PRDM11: variants seen among roughly 807,000 people sequenced by gnomAD.
The protein encoded by PRDM11 is PR domain-containing protein 11.
PRDM11 carries 20 observed loss-of-function variants against 97.8 expected under a neutral mutation model. The observed-to-expected ratio is 0.20, with a 90% CI of 0.14 to 0.30. The LOEUF is 0.30. Ranked by LOEUF, PRDM11 falls within the 10% of genes least tolerant of loss-of-function variation. PRDM11 has a pLI of 1.00. For synonymous variants in PRDM11, 599 were observed against 637.7 expected, an observed-to-expected ratio of 0.94 and a Z score of 0.91; for missense variants, 1,139 against 1,555.2, an observed-to-expected ratio of 0.73 and a Z score of 4.50.
intron 5 of PRDM11, chr11:45,214,037 T>G: frequency 3.5e-6 from 1 of 284,206 alleles, no homozygotes; most frequent in South Asian, 3.7e-5. Flanking sequence ...CTATGGCTCA[T>G]AGCCAGTGGC....
Position 45,224,505 on chromosome 11 carries a change from A to C in PRDM11, c.1031A>C (p.Gln344Pro). The C allele has an allele frequency of 6.2e-7, 1 of 1,614,216 alleles. No homozygotes were observed. The highest frequency in any genetic ancestry group is 8.5e-7 in the Non-Finnish European group (1 of 1,180,034). ...VPKYQDDAYS[Q>P]CATTMTHGVQ... ...AAATACCAGGATGACGCCTACAGTC[A>C]GTGTGCAACAACAATGACCCATGGT... The change falls in exon 7 of 8, where the codon CAG becomes CCG. Residue 344 changes from glutamine (Q) to proline (P), a missense_variant. Physicochemically the swap from Gln to Pro is moderately conservative, Grantham distance 76. Transcript: ENST00000683152.
chr11:45,212,564 G>A (rs1048801978), intron 5 of PRDM11: 7 of 456,214 alleles, frequency 1.5e-5, no homozygotes, highest in Non-Finnish European at 2.6e-5. Context: ...GGCCAGGCCC[G>A]CCCTGCTCCG....
intron 1 of PRDM11, among the ~76,000 whole-genome samples, chr11:45,134,856 C>T (rs1389024265): frequency 6.6e-6 from 1 of 151,504 alleles, no homozygotes; most frequent in Admixed American, 6.6e-5. Flanking sequence ...TCAAAGATGA[C>T]TTAATAATTA....
intron 1 of PRDM11, among the ~76,000 whole-genome samples, chr11:45,122,208 C>CAA (rs1565237359): frequency 9.9e-6 from 1 of 100,576 alleles, no homozygotes. Flanking sequence ...CACAGACACA[C>CAA]ACACACACAC....
Position 45,226,881 on chromosome 11 carries a change from G to A in PRDM11, c.2256G>A (p.Leu752=), listed in dbSNP as rs1854288295. Residue 752 remains leucine (L), a synonymous_variant, in exon 8 of 8, where the codon CTG becomes CTA. Transcript: ENST00000683152. ...TGTTCATGACCATCCGCAAGACGCT[G>A]CCCTGGCTGCTGTGCCTGCCCTTCA... The part of the protein sequence containing the change: ...ASMFMTIRKT[L]PWLLCLPFMV... 2 of 1,533,952 alleles carry A rather than the reference G, an allele frequency of 1.3e-6. No individual in the cohort carries two copies. The highest frequency in any genetic ancestry group is 4.9e-5 in the East Asian group (2 of 40,906).
chr11:45,157,065 C>T (rs936019545), intron 1 of PRDM11, among the ~76,000 whole-genome samples: 4 of 152,046 alleles, frequency 2.6e-5, no homozygotes, highest in Non-Finnish European at 5.9e-5. Flanking sequence ...GGGGAGCTGT[C>T]GGTGGTTTGT....
At chr11:45,191,259 G>A (rs1157141258) in intron 4 of PRDM11, among the ~76,000 whole-genome samples, 1 of 152,184 alleles carries the variant, frequency 6.6e-6, no homozygotes, top group Non-Finnish European at 1.5e-5. Context: ...CACAAGCAAT[G>A]TTAGGTCTTT....
At chr11:45,144,298 G>A (rs1851462212), upstream of PRDM11, among the ~76,000 whole-genome samples, 1 of 152,154 alleles carries the variant, frequency 6.6e-6, no homozygotes, top group East Asian at 1.9e-4. Flanking sequence ...TGGGTCTCTG[G>A]ATCACACCGC....
chr11:45,181,811 C>T lies in PRDM11; in HGVS notation c.45C>T (p.Ala15=), dbSNP rs373948099. ...MKECLAQTNA[A]VGDMVTVVKT... ...AGTGCTTGGCCCAGACCAATGCAGC[C>T]GTGGGGGATATGGTGACGGTGGTGA... Residue 15 remains alanine, a synonymous_variant, in exon 2 of 8, where the codon GCC becomes GCT. Coordinates refer to ENST00000683152, the MANE Select transcript of PRDM11 (RefSeq NM_001384648.1). 6.2e-6 allele frequency: 10 copies of T among 1,613,542 alleles called. No individual in the cohort carries two copies. The highest frequency in any genetic ancestry group is 8.5e-6 in the Non-Finnish European group (10 of 1,179,932).
intron 1 of PRDM11, among the ~76,000 whole-genome samples, chr11:45,137,198 C>T (rs937779674): frequency 9.5e-5 from 14 of 147,222 alleles, no homozygotes; most frequent in South Asian, 2.1e-4. Flanking sequence ...CAGATGGGGC[C>T]GAGGCAGGCA....
Position 45,154,329 on chromosome 11 carries a change from C to T in PRDM11, c.-7+7452C>T, listed in dbSNP as rs1257176327. Among the ~76,000 whole-genome samples the T allele has an allele frequency of 3.3e-5, 5 of 152,228 alleles. No homozygotes were observed. In the East Asian group the frequency reaches 9.7e-4, roughly 29 times the overall value. On this transcript the variant is annotated intron_variant, in intron 1 of 7. Coordinates refer to ENST00000683152, the MANE Select transcript of PRDM11 (RefSeq NM_001384648.1). ...TGAGATCGCACCACTGTACTCCTGC[C>T]TGGGAGACAGAGTGAGACCCTGTCT...
chr11:45,095,815 A>G (rs1187515906), exon 1 of PRDM11: 1 of 767,820 alleles, frequency 1.3e-6, no homozygotes, highest in Non-Finnish European at 2.4e-6. Flanking sequence ...AATGTTGAAG[A>G]TGGCAGAGCC....
At chr11:45,201,552 G>A (rs1290186006) in intron 4 of PRDM11, among the ~76,000 whole-genome samples, 1 of 151,854 alleles carries the variant, frequency 6.6e-6, no homozygotes, top group African/African-American at 2.4e-5. Context: ...TGAGTACAGT[G>A]GCACAATCAT....
intron 4 of PRDM11, among the ~76,000 whole-genome samples, chr11:45,199,939 G>T (rs190833461): frequency 3.4e-4 from 52 of 152,314 alleles, no homozygotes; most frequent in African/African-American, 1.1e-3. Flanking sequence ...CTGCAGCTCA[G>T]AGATCCCATA....
chr11:45,221,422 C>G (rs917103486), intron 6 of PRDM11, among the ~76,000 whole-genome samples: 2 of 152,188 alleles, frequency 1.3e-5, no homozygotes, highest in Non-Finnish European at 2.9e-5. Flanking sequence ...AGCCAAGAAG[C>G]TTTCCAAAGA....
chr11:45,153,887 A>G (rs1851723426), intron 1 of PRDM11, among the ~76,000 whole-genome samples: 1 of 152,208 alleles, frequency 6.6e-6, no homozygotes, highest in Non-Finnish European at 1.5e-5. Context: ...TCCCGCATCC[A>G]CATATGGATG....
intron 1 of PRDM11, among the ~76,000 whole-genome samples, chr11:45,134,722 AAAAAG>A (rs1200296307): frequency 2.0e-4 from 30 of 147,650 alleles, no homozygotes; most frequent in African/African-American, 5.2e-4. Flanking sequence ...AAAAAAAAAA[AAAAAG>A]AATAGTATTT....
rs748662312 is a variant in PRDM11 at position 45,181,757 on chromosome 11, C to T, written c.-6-4C>T. On this transcript the variant is annotated splice_region_variant and splice_polypyrimidine_tract_variant and intron_variant, in intron 1 of 7. Coordinates refer to ENST00000683152, the MANE Select transcript of PRDM11 (RefSeq NM_001384648.1). Reference sequence around the variant, plus strand: ...CTGTGCTGGTCCCACCTCCTGCGTCCCAGGACAGAATGACCGAGAACATGA... The same window carrying T: ...CTGTGCTGGTCCCACCTCCTGCGTCTCAGGACAGAATGACCGAGAACATGA... The T allele has an allele frequency of 4.3e-6, 7 of 1,611,098 alleles. No homozygotes were observed. In the Admixed American group the frequency reaches 8.3e-5, roughly 19 times the overall value.
upstream of PRDM11, among the ~76,000 whole-genome samples, chr11:45,095,060 T>C (rs1233405608): frequency 1.3e-5 from 2 of 152,084 alleles, no homozygotes; most frequent in African/African-American, 2.4e-5. Context: ...CCTTGCCAAC[T>C]GCTTAACAAC....
Sources: gnomAD v4.1 joint callset for allele counts (sites outside exome capture counted in the v4.1 genomes callset) on GRCh38, gnomAD v4.1.1 for gene constraint, MANE v1.5 for transcripts, NCBI Gene and HGNC (gene_info 2026-07-23, HGNC 2026-07-21) for gene names.